Variants in RRM2 observed in about 807,000 individuals in gnomAD.
The protein encoded by RRM2 is ribonucleotide reductase regulatory subunit M2, also known as ribonucleoside-diphosphate reductase subunit M2.
A neutral mutation model predicts 45.9 loss-of-function variants in RRM2; 6 were observed. That is an observed-to-expected ratio of 0.13 (90% confidence interval 0.07 to 0.26). The LOEUF is 0.26. Among genes scored for constraint, RRM2 ranks in the 10% least tolerant of loss-of-function variants. RRM2 has a pLI of 1.00. For synonymous variants in RRM2, 177 were observed against 173.0 expected (o/e 1.02, Z -0.18); for missense variants, 343 against 489.5 (o/e 0.70, Z 2.82).
chr2:10,209,582 TGTGTGTGTGCGCGCGC>T (rs931035207), intron 3 of RRM2, among the ~76,000 whole-genome samples: 5 of 147,692 alleles, frequency 3.4e-5, no homozygotes, highest in African/African-American at 1.2e-4. Context: ...TGCATGTGTG[TGTGTGTGTGCGCGCGC>T]GTGTGTGTGC....
rs1663811008 is a variant in RRM2 at position 10,171,702 on chromosome 2, AG to A, written n.482+29330del. Among the ~76,000 whole-genome samples the A allele has an allele frequency of 6.6e-6, 1 of 152,248 alleles. No homozygotes were observed. The highest frequency in any genetic ancestry group is 6.5e-5 in the Admixed American group (1 of 15,286). On this transcript the variant is annotated intron_variant and non_coding_transcript_variant, in intron 3 of 3. Transcript: ENST00000381786. This position sits in a 1 kb window ranked among gnomAD's most constrained non-coding sequence, Gnocchi z 4.1. ...GGACCCCTGGCATAGGGAGCCGAGC[AG>A]GGCAGCCGGGCAGAGGCAGGAATGA...
At chr2:10,208,945 C>G (rs959607341) in intron 3 of RRM2, among the ~76,000 whole-genome samples, 1 of 152,164 alleles carries the variant, frequency 6.6e-6, no homozygotes, top group East Asian at 1.9e-4. Context: ...CTCCCTCCCA[C>G]GTGCTGGATC....
rs1321731416 is a variant in RRM2 at position 10,172,273 on chromosome 2, G to A, written n.482+29898G>A. 5.3e-5 allele frequency among the ~76,000 whole-genome samples: 8 copies of A among 152,276 alleles called. No homozygotes were observed. The highest frequency in any genetic ancestry group is 1.9e-4 in the African/African-American group (8 of 41,558). ...GGGTCTGGGGGAGGTCGGATGAGATGAAGGAGGCTGGGGCTGGCACCGTGG... is the reference window on the plus strand; with the variant it reads ...GGGTCTGGGGGAGGTCGGATGAGATAAAGGAGGCTGGGGCTGGCACCGTGG... On this transcript the variant is annotated intron_variant and non_coding_transcript_variant, in intron 3 of 3. Coordinates refer to the RRM2 transcript ENST00000381786. The surrounding 1 kb of genome is among the most constrained non-coding windows in gnomAD (Gnocchi z 4.9).
Position 10,126,984 on chromosome 2 carries a change from GC to G in RRM2, c.664+19del, listed in dbSNP as rs1187502387. On this transcript the variant is annotated intron_variant, in intron 6 of 9. Transcript: ENST00000304567. The stretch of plus-strand genomic sequence containing the variant: ...GGCTACCTATGGTAAGGAGACCCTT[GC>G]CCCTACTTAAACCTGAGCTTCATTT... 3 of 1,612,204 alleles carry G rather than the reference GC, an allele frequency of 1.9e-6. No homozygotes were observed. The highest frequency in any genetic ancestry group is 1.7e-6 in the Non-Finnish European group (2 of 1,178,576).
intron 3 of RRM2, chr2:10,145,485 T>G (rs1402586484): frequency 1.3e-5 from 2 of 152,294 alleles, no homozygotes; most frequent in Non-Finnish European, 2.9e-5. Context: ...TTTGCAATCC[T>G]CTACATTGGC....
chr2:10,123,693 ACT>A, intron 3 of RRM2, 41 bp from the exon 4 acceptor site: 2 of 1,426,582 alleles, frequency 1.4e-6, no homozygotes, highest in Non-Finnish European at 9.9e-7. Flanking sequence ...TGTAGGCTTT[ACT>A]CTCTTCCTTT....
At chr2:10,202,089 A>C (rs2125333845) in intron 3 of RRM2, among the ~76,000 whole-genome samples, 1 of 152,350 alleles carries the variant, frequency 6.6e-6, no homozygotes, top group East Asian at 1.9e-4. Flanking sequence ...TATTTTAATA[A>C]AATTTAATTT....
chr2:10,189,296 A>T (rs763851050), intron 3 of RRM2, among the ~76,000 whole-genome samples: 5 of 152,210 alleles, frequency 3.3e-5, no homozygotes, highest in Non-Finnish European at 5.9e-5. Flanking sequence ...TGGAGGCTGA[A>T]GCCAGGTGGA....
At chr2:10,138,957 A>G (rs1045719718), upstream of RRM2, among the ~76,000 whole-genome samples, 73 of 152,204 alleles carry the variant, frequency 4.8e-4, 1 homozygote, top group African/African-American at 1.4e-3. Flanking sequence ...AGAATACAAA[A>G]ATTAGCCGGA....
intron 3 of RRM2, among the ~76,000 whole-genome samples, chr2:10,153,915 A>G (rs1572505215): frequency 6.6e-6 from 1 of 152,216 alleles, no homozygotes; most frequent in African/African-American, 2.4e-5. Context: ...TTGAACAGGT[A>G]GAGTTTCTGT....
downstream of RRM2, among the ~76,000 whole-genome samples, chr2:10,135,581 G>C (rs535716802): frequency 7.2e-5 from 11 of 152,140 alleles, no homozygotes; most frequent in African/African-American, 2.4e-4. Flanking sequence ...ATGCAGCAGA[G>C]AACAAGTCAA....
intron 3 of RRM2, among the ~76,000 whole-genome samples, chr2:10,202,233 C>G (rs1664581276): frequency 6.6e-6 from 1 of 152,190 alleles, no homozygotes; most frequent in African/African-American, 2.4e-5. Flanking sequence ...TTTAACCTTT[C>G]AAACTTGGCA....
chr2:10,201,127 GA>G (rs1185695370), intron 3 of RRM2, among the ~76,000 whole-genome samples: 3 of 140,046 alleles, frequency 2.1e-5, no homozygotes, highest in Non-Finnish European at 4.6e-5. Context: ...CCAGCCTGGG[GA>G]ACAGAGCAAG....
At position 10,185,089 on chromosome 2, in the gene RRM2, G is replaced by A. The variant is rs925444154; in HGVS notation, n.483-25222G>A. 1.3e-5 allele frequency among the ~76,000 whole-genome samples: 2 copies of A among 152,170 alleles called. No individual in the cohort carries two copies. Among genetic ancestry groups the A allele is most frequent in the African/African-American group, 4.8e-5 (2 of 41,452 alleles). On this transcript the variant is annotated intron_variant and non_coding_transcript_variant, in intron 3 of 3. Transcript: ENST00000381786. The surrounding 1 kb of genome is among the most constrained non-coding windows in gnomAD (Gnocchi z 4.3). ...ATTTATAGCAAATCCTGTAGGATGC[G>A]GTAGATTTGGAAGATTTCTGTGATG...
intron 5 of RRM2, among the ~76,000 whole-genome samples, chr2:10,125,493 C>G (rs1662759215): frequency 6.6e-6 from 1 of 152,140 alleles, no homozygotes; most frequent in Non-Finnish European, 1.5e-5. Context: ...ACAATGAGGT[C>G]AGGAGATCGA....
In RRM2 at chr2:10,127,415, T is replaced by G. The variant is rs1662802598; in HGVS notation, c.798+195T>G. On this transcript the variant is annotated intron_variant, in intron 7 of 9. Transcript: ENST00000304567. This position sits in a 1 kb window ranked among gnomAD's most constrained non-coding sequence, Gnocchi z 4.1. ...AACTGTTTTACTTGCATTCTCAATA[T>G]ATTGTAATACATTTGTACATATGTA... 1.7e-6 allele frequency: 1 copy of G among 601,738 alleles called. No homozygotes were observed. The highest frequency in any genetic ancestry group is 2.1e-5 in the South Asian group (1 of 47,892). 37.3% of individuals were successfully genotyped at this position (601,738 alleles called of 1,614,324 possible). A position where few individuals can be genotyped will look rare whatever the true frequency, so the allele number is the denominator to read the frequency against.
At chr2:10,126,659 G>A (rs1382272894) in intron 5 of RRM2, 4 of 568,860 alleles carry the variant, frequency 7.0e-6, no homozygotes, top group African/African-American at 5.6e-5. Flanking sequence ...ACCCAAACTT[G>A]TATTAATGTA....
chr2:10,186,066 T>A (rs530254954), intron 3 of RRM2, among the ~76,000 whole-genome samples: 2 of 152,246 alleles, frequency 1.3e-5, no homozygotes, highest in Non-Finnish European at 2.9e-5. Flanking sequence ...CCCTCCATTA[T>A]GGATCACTGT....
chr2:10,142,166 A>C, intron 2 of RRM2: 1 of 1,470,526 alleles, frequency 6.8e-7, no homozygotes, highest in Non-Finnish European at 9.2e-7. Flanking sequence ...GAGCAGAGTG[A>C]GGGGTGGGAG....
Sources: gnomAD v4.1 joint callset for allele counts (sites outside exome capture counted in the v4.1 genomes callset) on GRCh38, gnomAD v4.1.1 for gene constraint, Gnocchi (gnomAD v3.1) non-coding constraint, MANE v1.5 for transcripts, NCBI Gene and HGNC (gene_info 2026-07-23, HGNC 2026-07-21) for gene names.